The following CFAP73 variants were observed in gnomAD, a reference collection of about 807,000 sequenced individuals.
The protein encoded by CFAP73 is cilia- and flagella-associated protein 73.
Under a neutral mutation model 42.9 loss-of-function variants are expected in CFAP73, and 33 were observed. The observed-to-expected ratio is 0.77, with a 90% CI of 0.58 to 1.03. The LOEUF (loss-of-function observed/expected upper bound fraction) is 1.03. Ranked by LOEUF, CFAP73 falls within the 50% of genes least tolerant of loss-of-function variation. The pLI is 0.00. For missense variants in CFAP73, 392 were observed against 411.9 expected (o/e 0.95, Z 0.42); for synonymous variants, 162 against 186.8 (o/e 0.87, Z 1.08).
chr12:113,153,118 G>A (rs915830142), intron 3 of CFAP73, 90 bp from the exon 4 acceptor site: 22 of 1,348,420 alleles, frequency 1.6e-5, no homozygotes, highest in South Asian at 6.1e-5. Flanking sequence ...CCCTGGTTTT[G>A]CGAGCGAATG....
chr12:113,151,878 A>G lies in CFAP73; in HGVS notation c.57-40A>G, dbSNP rs1014896534. The G allele has an allele frequency of 2.5e-5, 35 of 1,423,564 alleles. No homozygotes were observed. The Middle Eastern group carries it at 7.4e-4, about 30-fold the overall frequency. The allele number at this position is 1,423,564 out of a possible 1,614,324, so 88.2% of individuals were successfully genotyped here. On this transcript the variant is annotated intron_variant, in intron 1 of 7. Transcript: ENST00000335621. ...GTGGTGAGATGTGGGGCCCTGAAACATGCTTCCTTCACCCCCACCTCCTAC... is the reference window on the plus strand; with the variant it reads ...GTGGTGAGATGTGGGGCCCTGAAACGTGCTTCCTTCACCCCCACCTCCTAC...
Position 113,152,851 on chromosome 12 carries a change from A to G in CFAP73, c.231A>G (p.Leu77=), listed in dbSNP as rs1269855510. The G allele has an allele frequency of 2.6e-6, 4 of 1,551,540 alleles. 1 individual carries two copies. Among genetic ancestry groups the G allele is most frequent in the African/African-American group, 2.7e-5 (2 of 73,048 alleles). The change falls in exon 3 of 8, where the codon CTA becomes CTG. Residue 77 remains leucine (L), a synonymous_variant. Transcript: ENST00000335621. ...AGCTGGAACAAAAGGAGCGGGAGCT[A>G]AAGGGATCGTTCATCCGCTTTGACA... ...WEQLEQKERE[L]KGSFIRFDKF... is the part of the protein sequence containing the mutation.
rs769885042 is a variant in CFAP73 at position 113,157,592 on chromosome 12, GC to G, written c.850-3del. 4 of 1,550,920 alleles carry G rather than the reference GC, an allele frequency of 2.6e-6. No homozygotes were observed. The highest frequency in any genetic ancestry group is 1.7e-6 in the Non-Finnish European group (2 of 1,146,502). On this transcript the variant is annotated splice_polypyrimidine_tract_variant and intron_variant, in intron 6 of 7. Coordinates refer to ENST00000335621, the MANE Select transcript of CFAP73 (RefSeq NM_001144872.3). ...GGGCTGGGATGTGACTTCGTGCTGG[GC>G]CCCCCCAGGTGAAGCTGTTCATGCA...
Position 113,159,088 on chromosome 12 carries a change from G to C in CFAP73, c.*399G>C. 1 of 1,603,462 alleles carries C rather than the reference G, an allele frequency of 6.2e-7. No individual in the cohort carries two copies. Among genetic ancestry groups the C allele is most frequent in the Non-Finnish European group, 8.5e-7 (1 of 1,176,102 alleles). ...GCGGACTCGGCCTGCAGGGGTGCCT[G>C]GGGCGTGGGGCCGGGATGCACCTGC... On this transcript the variant is annotated 3_prime_UTR_variant, in exon 8 of 8. Transcript: ENST00000335621.
At position 113,149,873 on chromosome 12, in the gene CFAP73, G is replaced by A. The variant is rs1249151385; in HGVS notation, c.16G>A (p.Glu6Lys). Residue 6 changes from glutamate to lysine, a missense_variant, in exon 1 of 8, where the codon GAG becomes AAG. Glu to Lys is a moderately conservative substitution (Grantham distance 56). Transcript: ENST00000335621. Reference sequence around the variant, plus strand: ...TGCCAGAAGGATGGCGGTGCCCTGGGAGGAATATTTCCGACTGGCTTTGCA... The same window carrying A: ...TGCCAGAAGGATGGCGGTGCCCTGGAAGGAATATTTCCGACTGGCTTTGCA... MAVPW[E>K]EYFRLALQEK... 1.3e-6 allele frequency: 2 copies of A among 1,551,578 alleles called. No individual in the cohort carries two copies. Among genetic ancestry groups the A allele is most frequent in the African/African-American group, 1.4e-5 (1 of 73,184 alleles).
At position 113,149,776 on chromosome 12, in the gene CFAP73, C is replaced by A; in HGVS notation, c.-82C>A. The A allele has an allele frequency of 7.0e-7, 1 of 1,423,056 alleles. No individual in the cohort carries two copies. Among genetic ancestry groups the A allele is most frequent in the Non-Finnish European group, 9.7e-7 (1 of 1,034,468 alleles). 88.2% of individuals were successfully genotyped at this position (1,423,056 alleles called of 1,614,324 possible). On this transcript the variant is annotated 5_prime_UTR_variant, in exon 1 of 8. Transcript: ENST00000335621. Reference sequence around the variant, plus strand: ...CCGAGCTGAGCAGGCTTCCACACCACGCTCCACAGAACCCCCAGGGTCTCC... The same window carrying A: ...CCGAGCTGAGCAGGCTTCCACACCAAGCTCCACAGAACCCCCAGGGTCTCC...
At chr12:113,150,965 G>A (rs1230978166) in intron 1 of CFAP73, among the ~76,000 whole-genome samples, 1 of 152,144 alleles carries the variant, frequency 6.6e-6, no homozygotes, top group Non-Finnish European at 1.5e-5. Flanking sequence ...TGTGTTGAAA[G>A]ATTCCTTTAG....
Position 113,153,410 on chromosome 12 carries a change from T to C in CFAP73, c.468+2T>C. On this transcript the variant is annotated splice_donor_variant, in intron 4 of 7. Coordinates refer to ENST00000335621, the MANE Select transcript of CFAP73 (RefSeq NM_001144872.3). LOFTEE classifies it high-confidence loss of function. ...CAAGCGCTGGAGCTGCTGCCCGGGGTGAGTCCGGGGCAGGAGGCTGGGAGC... is the reference window on the plus strand; with the variant it reads ...CAAGCGCTGGAGCTGCTGCCCGGGGCGAGTCCGGGGCAGGAGGCTGGGAGC... 7.0e-7 allele frequency: 1 copy of C among 1,429,862 alleles called. No homozygotes were observed. Among genetic ancestry groups the C allele is most frequent in the Non-Finnish European group, 9.1e-7 (1 of 1,098,084 alleles). 88.6% of individuals were successfully genotyped at this position (1,429,862 alleles called of 1,614,324 possible).
At chr12:113,151,472 G>C (rs1206410986) in intron 1 of CFAP73, among the ~76,000 whole-genome samples, 2 of 152,102 alleles carry the variant, frequency 1.3e-5, no homozygotes, top group South Asian at 2.1e-4. Flanking sequence ...GACAGAGCAA[G>C]ACTCCATCTC....
chr12:113,155,457 A>C (rs1952112342), intron 6 of CFAP73, 39 bp downstream of exon 6: 5 of 1,497,230 alleles, frequency 3.3e-6, no homozygotes, highest in South Asian at 2.6e-5. Context: ...GCCCCCAAAC[A>C]CTCCCTCTTT....
chr12:113,152,863 C>A lies in CFAP73; in HGVS notation c.243C>A (p.Phe81Leu). 1 of 1,551,594 alleles carries A rather than the reference C, an allele frequency of 6.4e-7. No individual in the cohort carries two copies. The highest frequency in any genetic ancestry group is 8.7e-7 in the Non-Finnish European group (1 of 1,146,928). ...AGGAGCGGGAGCTAAAGGGATCGTT[C>A]ATCCGCTTTGACAAGTTTTTGCAGG... ...EQKERELKGS[F>L]IRFDKFLQDS... The change falls in exon 3 of 8, where the codon TTC becomes TTA. Residue 81 changes from phenylalanine (F) to leucine (L), a missense_variant. By Grantham distance (22) the Phe-to-Leu change is conservative. Transcript: ENST00000335621.
At chr12:113,153,474 C>A in intron 4 of CFAP73, 66 bp downstream of exon 4, 1 of 1,275,174 alleles carries the variant, frequency 7.8e-7, no homozygotes, top group Non-Finnish European at 1.0e-6. Flanking sequence ...TCAGGGACGG[C>A]TTCGGACCGG....
intron 6 of CFAP73, among the ~76,000 whole-genome samples, chr12:113,155,991 G>A (rs988365876): frequency 3.3e-5 from 5 of 150,236 alleles, no homozygotes; most frequent in African/African-American, 1.2e-4. Context: ...GCAGTGACAC[G>A]ATCTCGGCTC....
Position 113,157,588 on chromosome 12 carries a change from C to T in CFAP73, c.850-14C>T, listed in dbSNP as rs1462544045. The T allele has an allele frequency of 6.4e-7, 1 of 1,551,280 alleles. No individual in the cohort carries two copies. On this transcript the variant is annotated splice_polypyrimidine_tract_variant and intron_variant, in intron 6 of 7. Coordinates refer to ENST00000335621, the MANE Select transcript of CFAP73 (RefSeq NM_001144872.3). ...TCTGGGGCTGGGATGTGACTTCGTG[C>T]TGGGCCCCCCCAGGTGAAGCTGTTC...
At position 113,158,664 on chromosome 12, in the gene CFAP73, C is replaced by T. The variant is rs1952166097; in HGVS notation, c.*12-37C>T. ...CTGGCTTTGCTGGCGAACTCCTGCA[C>T]ACCCTTCAAGGCCCTGTTCAAATGT... On this transcript the variant is annotated intron_variant, in intron 7 of 7. Coordinates refer to ENST00000335621, the MANE Select transcript of CFAP73 (RefSeq NM_001144872.3). The surrounding 1 kb of genome is among the most constrained non-coding windows in gnomAD (Gnocchi z 4.9). The T allele has an allele frequency of 1.8e-6, 1 of 564,428 alleles. No homozygotes were observed. The highest frequency in any genetic ancestry group is 2.9e-6 in the Non-Finnish European group (1 of 339,746). The allele number at this position is 564,428 out of a possible 1,614,324, so 35.0% of individuals were successfully genotyped here.
In CFAP73 at chr12:113,155,360, A is replaced by T. The variant is rs551956643; in HGVS notation, c.791A>T (p.Gln264Leu). The T allele has an allele frequency of 6.4e-6, 10 of 1,551,422 alleles. No individual in the cohort carries two copies. The highest frequency in any genetic ancestry group is 7.0e-6 in the Non-Finnish European group (8 of 1,146,836). Residue 264 changes from glutamine to leucine, a missense_variant, in exon 6 of 8, where the codon CAG (glutamine) becomes CTG (leucine). Coordinates refer to ENST00000335621, the MANE Select transcript of CFAP73 (RefSeq NM_001144872.3). Reference protein sequence around the residue: ...AVLNLFQLVCQHQGQPPTLDI... With the variant: ...AVLNLFQLVCLHQGQPPTLDI... ...CTCAACCTGTTCCAGCTAGTGTGCC[A>T]GCATCAGGGGCAGCCTCCCACCCTG...
At position 113,149,907 on chromosome 12, in the gene CFAP73, T is replaced by C; in HGVS notation, c.50T>C (p.Leu17Pro). Reference protein sequence around the residue: ...EYFRLALQEKLSTKLPEQAED... With the variant: ...EYFRLALQEKPSTKLPEQAED... ...TTCCGACTGGCTTTGCAAGAGAAAC[T>C]GTCTACGTGAGTGGGACGTAGAGGG... Residue 17 changes from leucine (L) to proline (P), a missense_variant, in exon 1 of 8, where the codon CTG (leucine) becomes CCG (proline). Leu to Pro is a moderately conservative substitution (Grantham distance 98). Transcript: ENST00000335621. 1 of 1,551,218 alleles carries C rather than the reference T, an allele frequency of 6.4e-7. No homozygotes were observed. Among genetic ancestry groups the C allele is most frequent in the South Asian group, 1.2e-5 (1 of 84,064 alleles).
Position 113,158,895 on chromosome 12 carries a change from C to T in CFAP73, c.*206C>T. Reference sequence around the variant, plus strand: ...CTGGTCCTCACATCCTCTTCCGCATCTTGCCCTTCTTGGAGCGGGCACCCC... The same window carrying T: ...CTGGTCCTCACATCCTCTTCCGCATTTTGCCCTTCTTGGAGCGGGCACCCC... On this transcript the variant is annotated 3_prime_UTR_variant, in exon 8 of 8. Coordinates refer to ENST00000335621, the MANE Select transcript of CFAP73 (RefSeq NM_001144872.3). This position sits in a 1 kb window ranked among gnomAD's most constrained non-coding sequence, Gnocchi z 4.9. 1 of 1,605,394 alleles carries T rather than the reference C, an allele frequency of 6.2e-7. No homozygotes were observed. Among genetic ancestry groups the T allele is most frequent in the South Asian group, 1.1e-5 (1 of 90,512 alleles).
At chr12:113,150,408 C>T (rs1952051406) in intron 1 of CFAP73, among the ~76,000 whole-genome samples, 1 of 152,156 alleles carries the variant, frequency 6.6e-6, no homozygotes, top group African/African-American at 2.4e-5. Flanking sequence ...CGCTGGACTC[C>T]AGAACCCCAC....
Sources: gnomAD v4.1 joint callset for allele counts (sites outside exome capture counted in the v4.1 genomes callset) on GRCh38, gnomAD v4.1.1 for gene constraint, Gnocchi (gnomAD v3.1) non-coding constraint, MANE v1.5 for transcripts, NCBI Gene and HGNC (gene_info 2026-07-23, HGNC 2026-07-21) for gene names.